Variants in PPP1R12C observed in about 807,000 individuals in gnomAD.
PPP1R12C encodes the protein leukocyte receptor cluster (LRC) encoded novel gene 3.
PPP1R12C carries 48 observed loss-of-function variants against 95.6 expected under a neutral mutation model. The observed-to-expected ratio is 0.50, with a 90% CI of 0.40 to 0.64. PPP1R12C has a LOEUF of 0.64. Among genes scored for constraint, PPP1R12C ranks in the 30% least tolerant of loss-of-function variants. The pLI, the probability that PPP1R12C is intolerant of heterozygous loss-of-function variation, is 0.00. For missense variants in PPP1R12C, 1,057 were observed against 1,083.3 expected (o/e 0.98, Z 0.34); for synonymous variants, 480 against 460.8 (o/e 1.04, Z -0.53).
rs1276680283 is a variant in PPP1R12C at position 55,095,283 on chromosome 19, G to T, written c.1454+8C>A. 1 of 1,567,580 alleles carries T rather than the reference G, an allele frequency of 6.4e-7. No homozygotes were observed. The highest frequency in any genetic ancestry group is 1.2e-5 in the South Asian group (1 of 85,134). On this transcript the variant is annotated splice_region_variant and intron_variant, in intron 11 of 21. Transcript: ENST00000263433. Reference sequence around the variant, plus strand: ...CACCCCTGAGGGGCCCAGGCCCTGGGGACTCACAGGACAGAGGGCTCCGGC... The same window carrying T: ...CACCCCTGAGGGGCCCAGGCCCTGGTGACTCACAGGACAGAGGGCTCCGGC...
At chr19:55,099,817 T>C (rs2084961931) in intron 4 of PPP1R12C, among the ~76,000 whole-genome samples, 1 of 152,204 alleles carries the variant, frequency 6.6e-6, no homozygotes, top group Non-Finnish European at 1.5e-5. Context: ...AAGGCAGGGT[T>C]ACAAGTCCAA....
rs1255100938 is a variant in PPP1R12C, at chr19:55,104,177, AAAGT to A, written c.572-613_572-610del. On this transcript the variant is annotated intron_variant, in intron 3 of 21. Coordinates refer to ENST00000263433, the MANE Select transcript of PPP1R12C (RefSeq NM_017607.4). ...GACTCTGTCTAAAAAAAAAAAAAAAAAAGTATATATATATATATATATACACACA... is the reference window on the plus strand; with the variant it reads ...GACTCTGTCTAAAAAAAAAAAAAAAAATATATATATATATATATACACACA... 7.6e-5 allele frequency among the ~76,000 whole-genome samples: 7 copies of A among 91,700 alleles called. No homozygotes were observed. In the East Asian group the frequency reaches 1.2e-3, roughly 16 times the overall value. 60.2% of individuals were successfully genotyped at this position (91,700 alleles called of 152,430 possible).
rs1481776921 is a variant in PPP1R12C, at chr19:55,094,338, C to T, written c.1683+7G>A. ...CCCAGGAGTCCAGACCCCAGCCCAC[C>T]CCACACCTGTGTGGACCTCCGAGAC... On this transcript the variant is annotated splice_region_variant and intron_variant, in intron 13 of 21. Coordinates refer to ENST00000263433, the MANE Select transcript of PPP1R12C (RefSeq NM_017607.4). 6.2e-7 allele frequency: 1 copy of T among 1,611,180 alleles called. No homozygotes were observed. The highest frequency in any genetic ancestry group is 8.5e-7 in the Non-Finnish European group (1 of 1,179,214).
At chr19:55,092,003 A>G in intron 19 of PPP1R12C, 94 bp from the exon 20 acceptor site, 2 of 1,486,686 alleles carry the variant, frequency 1.3e-6, no homozygotes, top group Non-Finnish European at 1.9e-6. Flanking sequence ...CCCGCCCACT[A>G]GGCAGCCCAC....
chr19:55,116,053 A>T (rs1382007061), intron 1 of PPP1R12C, among the ~76,000 whole-genome samples: 1 of 152,192 alleles, frequency 6.6e-6, no homozygotes, highest in African/African-American at 2.4e-5. Flanking sequence ...GGTGACCCGA[A>T]TCCACAGGAG....
chr19:55,116,257 G>A (rs1419738296), intron 1 of PPP1R12C, among the ~76,000 whole-genome samples: 3 of 151,576 alleles, frequency 2.0e-5, no homozygotes, highest in African/African-American at 7.3e-5. Context: ...AGAAGGAGAA[G>A]GAAAAGGGAA....
At position 55,092,215 on chromosome 19, in the gene PPP1R12C, C is replaced by T. The variant is rs752567846; in HGVS notation, c.2160+7G>A. The T allele has an allele frequency of 1.9e-6, 3 of 1,563,938 alleles. No individual in the cohort carries two copies. The highest frequency in any genetic ancestry group is 2.6e-6 in the Non-Finnish European group (3 of 1,157,680). On this transcript the variant is annotated splice_region_variant and intron_variant, in intron 19 of 21. Coordinates refer to ENST00000263433, the MANE Select transcript of PPP1R12C (RefSeq NM_017607.4). ...AGTTCCCGTGACCCTGGCCTCGGCG[C>T]CCTTACCTGCGTGGCCCGCTCCAGC... is the stretch of plus-strand genomic sequence containing the variant.
intron 1 of PPP1R12C, 92 bp downstream of exon 1, chr19:55,117,131 G>C (rs2085162558): frequency 4.7e-6 from 5 of 1,075,094 alleles, no homozygotes; most frequent in Non-Finnish European, 5.8e-6. Flanking sequence ...CGACGGGGCG[G>C]ATCGAGACTG....
chr19:55,093,139 C>T lies in PPP1R12C; in HGVS notation c.1764+14G>A, dbSNP rs2084867238. On this transcript the variant is annotated intron_variant, in intron 14 of 21. Transcript: ENST00000263433. ...TCCCGCACCACCCCACTCGCCCTCG[C>T]TGACCCCTCTCACCAGGCTCTGCGC... 1.2e-5 allele frequency: 19 copies of T among 1,613,506 alleles called. No individual in the cohort carries two copies. The highest frequency in any genetic ancestry group is 1.6e-5 in the Non-Finnish European group (19 of 1,179,940).
chr19:55,117,097 G>A (rs2085162256), intron 1 of PPP1R12C, 126 bp downstream of exon 1: 2 of 801,358 alleles, frequency 2.5e-6, no homozygotes. Flanking sequence ...GTCAGCATAG[G>A]GTGGCAAAGC....
In PPP1R12C at chr19:55,098,784, GTCC is replaced by G. The variant is rs2084950203; in HGVS notation, c.948_950del (p.Glu316del). On this transcript the variant is annotated inframe_deletion and splice_region_variant, in exon 6 of 22. Coordinates refer to ENST00000263433, the MANE Select transcript of PPP1R12C (RefSeq NM_017607.4). Reference sequence around the variant, plus strand: ...TAAGCCCCTCAGCCCTGACACTCACGTCCTCCTGTTTCCGGGCCAGTTCCTCCA... The same window carrying G: ...TAAGCCCCTCAGCCCTGACACTCACGTCCTGTTTCCGGGCCAGTTCCTCCA... The G allele has an allele frequency of 6.2e-7, 1 of 1,613,452 alleles. No homozygotes were observed. The highest frequency in any genetic ancestry group is 8.5e-7 in the Non-Finnish European group (1 of 1,179,986).
chr19:55,108,384 T>C (rs2085061122), intron 3 of PPP1R12C, among the ~76,000 whole-genome samples: 1 of 152,080 alleles, frequency 6.6e-6, no homozygotes, highest in South Asian at 2.1e-4. Context: ...ATCCCAGCAC[T>C]TTAGGAGGCC....
chr19:55,095,151 A>G (rs1026435362), intron 11 of PPP1R12C, 140 bp downstream of exon 11: 3 of 988,724 alleles, frequency 3.0e-6, no homozygotes, highest in Non-Finnish European at 3.1e-6. Context: ...AGAGCCCCCA[A>G]GAGGAACACA....
chr19:55,098,639 C>G (rs1189770474), intron 6 of PPP1R12C, 145 bp downstream of exon 6: 1 of 988,732 alleles, frequency 1.0e-6, no homozygotes, highest in Non-Finnish European at 1.5e-6. Context: ...GAGGCTGGGG[C>G]TGGGGCTGGG....
chr19:55,110,012 T>TC (rs1262765943), intron 3 of PPP1R12C, among the ~76,000 whole-genome samples: 1 of 152,088 alleles, frequency 6.6e-6, no homozygotes, highest in East Asian at 1.9e-4. Context: ...CCCAGCCTTC[T>TC]CCTCACCCCA....
intron 19 of PPP1R12C, 87 bp downstream of exon 19, chr19:55,092,135 C>A: frequency 1.5e-6 from 2 of 1,295,058 alleles, no homozygotes; most frequent in East Asian, 2.5e-5. Flanking sequence ...CCGCCGGCAC[C>A]CCCAGGCCAG....
intron 4 of PPP1R12C, among the ~76,000 whole-genome samples, chr19:55,099,937 GCC>G (rs747122174): frequency 1.3e-5 from 2 of 152,220 alleles, no homozygotes; most frequent in Non-Finnish European, 2.9e-5. Context: ...CAGATGGACA[GCC>G]TGGGATATTC....
chr19:55,106,818 C>T (rs962538995), intron 3 of PPP1R12C, among the ~76,000 whole-genome samples: 5 of 152,188 alleles, frequency 3.3e-5, no homozygotes, highest in Admixed American at 6.5e-5. Flanking sequence ...CTCCAGGGTG[C>T]GCACATCACC....
In PPP1R12C at chr19:55,109,037, G is replaced by C. The variant is rs982165059; in HGVS notation, c.571+3430C>G. Among the ~76,000 whole-genome samples the C allele has an allele frequency of 3.3e-5, 5 of 152,168 alleles. No homozygotes were observed. Among genetic ancestry groups the C allele is most frequent in the Non-Finnish European group, 5.9e-5 (4 of 68,024 alleles). ...CCACATGTTGATTTTCCATTCATTCGATGATGGGCACTAGGTTGCTCCTAC... is the reference window on the plus strand; with the variant it reads ...CCACATGTTGATTTTCCATTCATTCCATGATGGGCACTAGGTTGCTCCTAC... On this transcript the variant is annotated intron_variant, in intron 3 of 21. Transcript: ENST00000263433. This position sits in a 1 kb window ranked among gnomAD's most constrained non-coding sequence, Gnocchi z 4.4.
Sources: gnomAD v4.1 joint callset for allele counts (sites outside exome capture counted in the v4.1 genomes callset) on GRCh38, gnomAD v4.1.1 for gene constraint, Gnocchi (gnomAD v3.1) non-coding constraint, MANE v1.5 for transcripts, NCBI Gene and HGNC (gene_info 2026-07-23, HGNC 2026-07-21) for gene names.